The following LINGO2 variants were observed in gnomAD, a reference collection of about 807,000 sequenced individuals.
LINGO2 encodes the protein leucine rich repeat and Ig domain containing 2.
In LINGO2, 14 loss-of-function variants were observed where a neutral mutation model predicts 30.6. That is an observed-to-expected ratio of 0.46 (90% confidence interval 0.30 to 0.72). LINGO2 has a LOEUF of 0.72. LINGO2 is among the 30% of genes least tolerant of loss of function. The pLI is 0.07. For synonymous variants in LINGO2, 317 were observed against 288.5 expected (o/e 1.10, Z -1.00); for missense variants, 729 against 751.7 (o/e 0.97, Z 0.35).
chr9:28,301,893 T>C (rs532378179), intron 3 of LINGO2, among the ~76,000 whole-genome samples: 1 of 152,170 alleles, frequency 6.6e-6, no homozygotes, highest in South Asian at 2.1e-4. Context: ...GCTGAAATCC[T>C]ACAAGCCAGA....
At chr9:28,144,003 T>C (rs907844034) in intron 4 of LINGO2, among the ~76,000 whole-genome samples, 4 of 152,240 alleles carry the variant, frequency 2.6e-5, no homozygotes, top group Admixed American at 2.0e-4. Context: ...AGAGTCCTTT[T>C]TGGAATAAGG....
chr9:28,083,579 G>A (rs757681273), intron 4 of LINGO2, among the ~76,000 whole-genome samples: 2 of 152,044 alleles, frequency 1.3e-5, no homozygotes, highest in Non-Finnish European at 2.9e-5. Flanking sequence ...TCTCTTTATG[G>A]TTGTAGGTTA....
chr9:28,552,305 T>C (rs760219017), intron 1 of LINGO2, among the ~76,000 whole-genome samples: 77 of 151,968 alleles, frequency 5.1e-4, no homozygotes, highest in Non-Finnish European at 8.1e-4. Flanking sequence ...TTTCTTGGTT[T>C]ACCAGCTAAA....
At chr9:28,309,591 A>T (rs1008504712) in intron 3 of LINGO2, among the ~76,000 whole-genome samples, 1 of 152,098 alleles carries the variant, frequency 6.6e-6, no homozygotes, top group Non-Finnish European at 1.5e-5. Flanking sequence ...ATAATAATAA[A>T]AAAAAACAAA....
intron 4 of LINGO2, among the ~76,000 whole-genome samples, chr9:28,140,166 T>C (rs1411052764): frequency 6.6e-6 from 1 of 152,038 alleles, no homozygotes; most frequent in Non-Finnish European, 1.5e-5. Context: ...CAAAAGAAAA[T>C]ACAACTTCTG....
At chr9:28,636,421 C>G (rs1016398067) in intron 1 of LINGO2, among the ~76,000 whole-genome samples, 1 of 152,144 alleles carries the variant, frequency 6.6e-6, no homozygotes, top group Non-Finnish European at 1.5e-5. Flanking sequence ...AATGGTTGAA[C>G]TAGTTTATAG....
the LINGO2 span, among the ~76,000 whole-genome samples, chr9:28,971,323 G>C: frequency 6.6e-6 from 1 of 152,178 alleles, no homozygotes; most frequent in East Asian, 1.9e-4. Context: ...AGACCACTAA[G>C]CAAGCCAGGA....
At chr9:28,907,073 C>A in the LINGO2 span, among the ~76,000 whole-genome samples, 12 of 151,970 alleles carry the variant, frequency 7.9e-5, no homozygotes, top group East Asian at 2.3e-3. Context: ...CATCAAATAT[C>A]TTTTTTCATG....
chr9:28,841,129 A>C, the LINGO2 span, among the ~76,000 whole-genome samples: 4 of 151,838 alleles, frequency 2.6e-5, no homozygotes, highest in South Asian at 2.1e-4. Flanking sequence ...TAGTCCTATA[A>C]ATTTTTACTT....
chr9:28,374,583 C>A (rs1821047469), intron 2 of LINGO2, among the ~76,000 whole-genome samples: 1 of 152,094 alleles, frequency 6.6e-6, no homozygotes, highest in Non-Finnish European at 1.5e-5. Context: ...TTCTTTCTAG[C>A]TTGCCAGATC....
chr9:28,602,075 G>A (rs142954258), intron 1 of LINGO2, among the ~76,000 whole-genome samples: 1,764 of 152,170 alleles, frequency 0.012, 21 homozygotes, highest in Non-Finnish European at 0.018. Flanking sequence ...AGGGAGTGGG[G>A]AGGCACAACA....
intron 4 of LINGO2, among the ~76,000 whole-genome samples, chr9:28,185,752 C>A (rs563387609): frequency 1.3e-5 from 2 of 152,168 alleles, no homozygotes; most frequent in African/African-American, 4.8e-5. Flanking sequence ...GATTTACAGT[C>A]CAGGAGAATG....
Position 28,337,863 on chromosome 9 carries a change from G to A in LINGO2, c.-246+34973C>T, listed in dbSNP as rs193007007. ...CTGGGTGTCTAGGCAGAAGTTTGCT[G>A]CAGGGGTGGGGCCCTCATGGAGCAC... On this transcript the variant is annotated intron_variant, in intron 3 of 5. Transcript: ENST00000379992. Among the ~76,000 whole-genome samples, 1,384 of 152,156 alleles carry A rather than the reference G, an allele frequency of 9.1e-3. 26 individuals carry two copies. Among genetic ancestry groups the A allele is most frequent in the African/African-American group, 0.032 (1,332 of 41,466 alleles).
chr9:28,568,403 A>C (rs763618006), intron 1 of LINGO2, among the ~76,000 whole-genome samples: 1 of 152,032 alleles, frequency 6.6e-6, no homozygotes, highest in African/African-American at 2.4e-5. Flanking sequence ...ATGACAATCT[A>C]ACCTGTACAA....
At chr9:28,074,767 A>T (rs1483865350) in intron 4 of LINGO2, among the ~76,000 whole-genome samples, 1 of 152,128 alleles carries the variant, frequency 6.6e-6, no homozygotes, top group Non-Finnish European at 1.5e-5. Context: ...GAAAAGCTTA[A>T]CATGGGTGAC....
chr9:29,093,928 T>C, the LINGO2 span, among the ~76,000 whole-genome samples: 2 of 138,728 alleles, frequency 1.4e-5, no homozygotes, highest in Non-Finnish European at 1.6e-5. Context: ...TTGCAAGTTA[T>C]ATCCAAATTT....
intron 3 of LINGO2, among the ~76,000 whole-genome samples, chr9:28,349,864 G>A (rs149160098): frequency 0.38 from 57,029 of 151,718 alleles, 11,633 homozygotes; most frequent in Non-Finnish European, 0.45. Flanking sequence ...TAAAGAAAAG[G>A]ATTTTCAACC....
intron 1 of LINGO2, among the ~76,000 whole-genome samples, chr9:28,618,615 T>C (rs1479459632): frequency 1.3e-5 from 2 of 152,170 alleles, no homozygotes; most frequent in African/African-American, 2.4e-5. Flanking sequence ...GCCCTACTTA[T>C]ATATTCAGTT....
At chr9:29,162,349 A>G in the LINGO2 span, among the ~76,000 whole-genome samples, 1 of 152,242 alleles carries the variant, frequency 6.6e-6, no homozygotes, top group South Asian at 2.1e-4. Flanking sequence ...ATAGACAGTT[A>G]CCAAGGAAGC....
Sources: allele counts gnomAD v4.1 joint callset (sites outside exome capture counted in the v4.1 genomes callset), GRCh38; gene constraint gnomAD v4.1.1; transcripts MANE v1.5; gene names NCBI Gene and HGNC (gene_info 2026-07-23, HGNC 2026-07-21).